The following CTNNA3 variants were observed in gnomAD, a reference collection of about 807,000 sequenced individuals.
CTNNA3 encodes catenin alpha 3.
In CTNNA3, 76 loss-of-function variants were observed where a neutral mutation model predicts 95.7. The observed-to-expected ratio is 0.79, with a 90% CI of 0.66 to 0.96. CTNNA3 has a LOEUF of 0.96. Ranked by LOEUF, CTNNA3 falls within the 40% of genes least tolerant of loss-of-function variation. CTNNA3 has a pLI of 0.00. For missense variants in CTNNA3, 1,191 were observed against 1,089.8 expected, an observed-to-expected ratio of 1.09 and a Z score of -1.31; for synonymous variants, 431 against 374.4, an observed-to-expected ratio of 1.15 and a Z score of -1.74.
At chr10:67,157,981 A>G (rs1861383272) in intron 7 of CTNNA3, among the ~76,000 whole-genome samples, 1 of 152,232 alleles carries the variant, frequency 6.6e-6, no homozygotes, top group South Asian at 2.1e-4. Context: ...TTCAAATTAC[A>G]TAGAAAGAGA....
At chr10:66,044,048 T>C (rs2079766964) in intron 15 of CTNNA3, among the ~76,000 whole-genome samples, 1 of 151,134 alleles carries the variant, frequency 6.6e-6, no homozygotes, top group South Asian at 2.1e-4. Context: ...CAAGCTAGAG[T>C]GCAGTGGTGC....
chr10:66,300,986 A>G (rs1176281387), intron 12 of CTNNA3, among the ~76,000 whole-genome samples: 1 of 152,052 alleles, frequency 6.6e-6, no homozygotes, highest in Non-Finnish European at 1.5e-5. Flanking sequence ...CAGTAATGAA[A>G]AGGGACTATG....
At chr10:67,478,677 A>G (rs1196225780) in intron 5 of CTNNA3, among the ~76,000 whole-genome samples, 1 of 152,142 alleles carries the variant, frequency 6.6e-6, no homozygotes, top group African/African-American at 2.4e-5. Flanking sequence ...CCACAAAAAC[A>G]TACTTAAATA....
At chr10:67,145,130 G>A (rs1377156517) in intron 7 of CTNNA3, among the ~76,000 whole-genome samples, 1 of 152,132 alleles carries the variant, frequency 6.6e-6, no homozygotes, top group Non-Finnish European at 1.5e-5. Flanking sequence ...TATCAATTAA[G>A]TTTACTGTCC....
rs774132236 is a variant in CTNNA3, at chr10:67,420,797, G to A, written c.579+101045C>T. ...CTTAGAGCACAAAGTATTGTTATAC[G>A]ATATTAAACCAAATTGTAAAATAGT... is the stretch of plus-strand genomic sequence containing the variant. On this transcript the variant is annotated intron_variant, in intron 5 of 17. Transcript: ENST00000433211. Among the ~76,000 whole-genome samples the A allele has an allele frequency of 4.6e-5, 7 of 151,908 alleles. No homozygotes were observed. In the East Asian group the frequency reaches 1.4e-3, roughly 29 times the overall value.
At chr10:66,288,719 T>C (rs937766959) in intron 12 of CTNNA3, among the ~76,000 whole-genome samples, 1 of 152,100 alleles carries the variant, frequency 6.6e-6, no homozygotes, top group African/African-American at 2.4e-5. Flanking sequence ...TGCAAATCAA[T>C]TATTTGTGAA....
At chr10:65,977,832 A>G (rs2078236778) in intron 16 of CTNNA3, among the ~76,000 whole-genome samples, 1 of 152,070 alleles carries the variant, frequency 6.6e-6, no homozygotes, top group Non-Finnish European at 1.5e-5. Flanking sequence ...GAATTTTGCA[A>G]TTACAGACAA....
chr10:66,932,191 T>A (rs528928544), intron 7 of CTNNA3, among the ~76,000 whole-genome samples: 19 of 152,314 alleles, frequency 1.2e-4, no homozygotes, highest in African/African-American at 4.3e-4. Context: ...TGATGATTCA[T>A]GGATAATGAA....
At chr10:66,265,809 C>G (rs2091133903) in intron 13 of CTNNA3, among the ~76,000 whole-genome samples, 4 of 151,942 alleles carry the variant, frequency 2.6e-5, no homozygotes, top group Non-Finnish European at 5.9e-5. Context: ...CATCCTGCTT[C>G]CTTCCTATCA....
At chr10:66,618,770 G>T (rs1318929580) in intron 10 of CTNNA3, among the ~76,000 whole-genome samples, 1 of 151,942 alleles carries the variant, frequency 6.6e-6, no homozygotes, top group Non-Finnish European at 1.5e-5. Flanking sequence ...AGAGTGAACA[G>T]GCAACCTACA....
intron 7 of CTNNA3, among the ~76,000 whole-genome samples, chr10:67,079,681 C>G (rs1289993104): frequency 6.6e-6 from 1 of 151,998 alleles, no homozygotes; most frequent in Non-Finnish European, 1.5e-5. Context: ...AACCCCATCT[C>G]TACTAAAAAT....
chr10:66,658,844 C>T (rs148771026), intron 9 of CTNNA3, among the ~76,000 whole-genome samples: 8 of 152,180 alleles, frequency 5.3e-5, no homozygotes, highest in East Asian at 3.9e-4. Flanking sequence ...CAGGCACCCA[C>T]GACCACACCT....
intron 7 of CTNNA3, among the ~76,000 whole-genome samples, chr10:66,913,102 T>G (rs1227208011): frequency 4.4e-4 from 66 of 150,662 alleles, no homozygotes; most frequent in Non-Finnish European, 7.2e-4. Context: ...AGCCGGGCGC[T>G]GTGGCAGGCG....
intron 7 of CTNNA3, among the ~76,000 whole-genome samples, chr10:67,168,727 T>C (rs1861888756): frequency 6.6e-6 from 1 of 152,164 alleles, no homozygotes; most frequent in African/African-American, 2.4e-5. Flanking sequence ...TGGCACAAGA[T>C]AAGAATGCTC....
chr10:66,645,034 TCATAA>T (rs1445909225), intron 9 of CTNNA3, among the ~76,000 whole-genome samples: 1 of 152,352 alleles, frequency 6.6e-6, no homozygotes, highest in East Asian at 1.9e-4. Context: ...GGGATTTTTT[TCATAA>T]CATAATTCTT....
intron 9 of CTNNA3, among the ~76,000 whole-genome samples, chr10:66,659,581 T>G (rs1470843673): frequency 6.6e-6 from 1 of 152,206 alleles, no homozygotes; most frequent in African/African-American, 2.4e-5. Flanking sequence ...ATTCATATGT[T>G]TAAATCCTAA....
intron 10 of CTNNA3, among the ~76,000 whole-genome samples, chr10:66,618,127 C>T (rs1231631957): frequency 3.9e-5 from 6 of 152,230 alleles, no homozygotes; most frequent in Admixed American, 3.9e-4. Context: ...GTGAAAATGG[C>T]ATACTGCCCA....
chr10:66,742,875 T>C (rs1231260671), intron 9 of CTNNA3, among the ~76,000 whole-genome samples: 1 of 152,220 alleles, frequency 6.6e-6, no homozygotes, highest in African/African-American at 2.4e-5. Context: ...TTTTAATATG[T>C]AAACATCTTA....
chr10:66,477,951 A>G (rs927142949), intron 11 of CTNNA3, among the ~76,000 whole-genome samples: 9 of 152,102 alleles, frequency 5.9e-5, no homozygotes, highest in Non-Finnish European at 1.0e-4. Flanking sequence ...GAATGCCTTC[A>G]AGACTTGTGT....
Sources: gnomAD v4.1 joint callset for allele counts (sites outside exome capture counted in the v4.1 genomes callset) on GRCh38, gnomAD v4.1.1 for gene constraint, MANE v1.5 for transcripts, NCBI Gene and HGNC (gene_info 2026-07-23, HGNC 2026-07-21) for gene names.